Variants in SGCD observed in about 807,000 individuals in gnomAD.
The protein encoded by SGCD is sarcoglycan delta.
SGCD carries 18 observed loss-of-function variants against 36.6 expected under a neutral mutation model. The ratio of observed to expected loss-of-function variants is 0.49; its 90% CI spans 0.34 to 0.73. The LOEUF is 0.73. Ranked by LOEUF, SGCD falls within the 30% of genes least tolerant of loss-of-function variation. SGCD has a pLI of 0.01. For missense variants in SGCD, 387 were observed against 346.7 expected (o/e 1.12, Z -0.92); for synonymous variants, 133 against 130.6 (o/e 1.02, Z -0.12).
intron 1 of SGCD, among the ~76,000 whole-genome samples, chr5:156,046,078 G>A (rs941005792): frequency 1.3e-5 from 2 of 151,996 alleles, no homozygotes; most frequent in Non-Finnish European, 2.9e-5. Flanking sequence ...ATAATACATA[G>A]CTCAGTGTAG....
chr5:156,495,125 T>C (rs970293793), intron 3 of SGCD, among the ~76,000 whole-genome samples: 2 of 152,060 alleles, frequency 1.3e-5, no homozygotes, highest in Non-Finnish European at 2.9e-5. Flanking sequence ...TGAGAACACA[T>C]GGATGAAATA....
intron 3 of SGCD, among the ~76,000 whole-genome samples, chr5:156,169,392 A>AT (rs1271419995): frequency 3.3e-5 from 5 of 152,168 alleles, no homozygotes; most frequent in Admixed American, 2.0e-4. Context: ...GAAAGACAAC[A>AT]TTTTTTATTG....
chr5:155,911,738 A>C (rs1340244895), intron 1 of SGCD, among the ~76,000 whole-genome samples: 1 of 152,100 alleles, frequency 6.6e-6, no homozygotes, highest in Non-Finnish European at 1.5e-5. Context: ...ATCTCCTAGA[A>C]TTCTGAAAGT....
At chr5:156,484,781 G>A (rs1186654186) in intron 3 of SGCD, among the ~76,000 whole-genome samples, 1 of 152,080 alleles carries the variant, frequency 6.6e-6, no homozygotes, top group Non-Finnish European at 1.5e-5. Context: ...AGTTTTTCTC[G>A]GGTCCCCTTG....
intron 3 of SGCD, among the ~76,000 whole-genome samples, chr5:156,495,103 ACTGTT>A (rs1380771668): frequency 6.6e-6 from 1 of 152,106 alleles, no homozygotes; most frequent in Non-Finnish European, 1.5e-5. Context: ...TGCGGTATCC[ACTGTT>A]CTGTTCTGAG....
intron 3 of SGCD, among the ~76,000 whole-genome samples, chr5:156,186,132 A>C (rs73811535): frequency 1.3e-5 from 2 of 151,786 alleles, no homozygotes. Context: ...CTAATTTATT[A>C]ATTTACAAAA....
intron 4 of SGCD, among the ~76,000 whole-genome samples, chr5:156,563,366 T>G (rs1020014681): frequency 3.3e-5 from 5 of 152,108 alleles, no homozygotes; most frequent in Non-Finnish European, 7.4e-5. Flanking sequence ...TTAACACTTT[T>G]TAACCGATAA....
chr5:156,196,880 C>T (rs1323117393), intron 3 of SGCD, among the ~76,000 whole-genome samples: 3 of 152,122 alleles, frequency 2.0e-5, no homozygotes, highest in Non-Finnish European at 4.4e-5. Context: ...CGCATCCATA[C>T]ACTTTACATT....
intron 1 of SGCD, among the ~76,000 whole-genome samples, chr5:155,882,727 T>C (rs1021309502): frequency 6.6e-6 from 1 of 152,174 alleles, no homozygotes; most frequent in African/African-American, 2.4e-5. Context: ...AGATATGCTA[T>C]CATTTAAGCT....
chr5:156,642,673 T>TG (rs1365296943), intron 6 of SGCD, among the ~76,000 whole-genome samples: 4 of 151,884 alleles, frequency 2.6e-5, no homozygotes, highest in Non-Finnish European at 4.4e-5. Flanking sequence ...TTCATCATGT[T>TG]GGCCAGGGTG....
At chr5:156,127,057 T>G (rs1321267685) in intron 3 of SGCD, among the ~76,000 whole-genome samples, 5 of 152,332 alleles carry the variant, frequency 3.3e-5, no homozygotes, top group African/African-American at 9.6e-5. Flanking sequence ...ATTTGGTGTC[T>G]AAAAACTAGG....
chr5:156,605,536 T>A (rs1460150228), intron 6 of SGCD, among the ~76,000 whole-genome samples: 2 of 152,238 alleles, frequency 1.3e-5, no homozygotes, highest in Non-Finnish European at 2.9e-5. Flanking sequence ...TATAGCAGCA[T>A]GTTTTATAAT....
intron 1 of SGCD, among the ~76,000 whole-genome samples, chr5:155,924,575 G>A (rs1197047308): frequency 6.6e-6 from 1 of 152,170 alleles, no homozygotes; most frequent in Non-Finnish European, 1.5e-5. Context: ...CAAAGGCAAA[G>A]CAGAAGAGTG....
intron 3 of SGCD, among the ~76,000 whole-genome samples, chr5:156,154,213 AC>A (rs1370459558): frequency 6.6e-6 from 1 of 151,480 alleles, no homozygotes; most frequent in Non-Finnish European, 1.5e-5. Context: ...TCTGTCTTCC[AC>A]CTCCACTTTC....
intron 4 of SGCD, among the ~76,000 whole-genome samples, chr5:156,524,555 A>G (rs1398458341): frequency 6.6e-6 from 1 of 151,832 alleles, no homozygotes; most frequent in Non-Finnish European, 1.5e-5. Context: ...CCAATAACGT[A>G]TTCACCACCT....
intron 1 of SGCD, among the ~76,000 whole-genome samples, chr5:156,071,659 G>T (rs912889245): frequency 2.6e-5 from 4 of 152,192 alleles, no homozygotes; most frequent in Admixed American, 2.0e-4. Flanking sequence ...GCTTGGTGCA[G>T]AGCTGTGTTC....
At chr5:156,391,398 A>G (rs974061354) in intron 3 of SGCD, among the ~76,000 whole-genome samples, 4 of 152,230 alleles carry the variant, frequency 2.6e-5, no homozygotes, top group African/African-American at 9.6e-5. Context: ...GCATGGCTGT[A>G]TATACAGTCA....
At chr5:156,093,990 C>T (rs1761314670) in intron 1 of SGCD, among the ~76,000 whole-genome samples, 1 of 152,126 alleles carries the variant, frequency 6.6e-6, no homozygotes, top group Non-Finnish European at 1.5e-5. Context: ...TGGGAATTGC[C>T]CTGCTCTGGT....
intron 3 of SGCD, among the ~76,000 whole-genome samples, chr5:156,241,762 A>G (rs1765312347): frequency 1.3e-5 from 2 of 152,332 alleles, no homozygotes; most frequent in South Asian, 4.1e-4. Flanking sequence ...CTTGATGCCA[A>G]TCACTATGCT....
Sources: gnomAD v4.1 joint callset for allele counts (sites outside exome capture counted in the v4.1 genomes callset) on GRCh38, gnomAD v4.1.1 for gene constraint, MANE v1.5 for transcripts, NCBI Gene and HGNC (gene_info 2026-07-23, HGNC 2026-07-21) for gene names.